SYN3: variants seen among roughly 807,000 people sequenced by gnomAD.
The protein encoded by SYN3 is synapsin-3.
Under a neutral mutation model 65.8 loss-of-function variants are expected in SYN3, and 35 were observed. The ratio of observed to expected loss-of-function variants is 0.53; its 90% CI spans 0.41 to 0.70. The LOEUF is 0.70. Among genes scored for constraint, SYN3 ranks in the 30% least tolerant of loss-of-function variants. The pLI is 0.00. For synonymous variants in SYN3, 270 were observed against 292.9 expected, an observed-to-expected ratio of 0.92 and a Z score of 0.80; for missense variants, 680 against 749.0, an observed-to-expected ratio of 0.91 and a Z score of 1.08.
At chr22:32,973,990 T>C (rs2052103482) in intron 3 of SYN3, among the ~76,000 whole-genome samples, 1 of 152,104 alleles carries the variant, frequency 6.6e-6, no homozygotes, top group South Asian at 2.1e-4. Flanking sequence ...GGTTTCGCCA[T>C]GTTGGCTAGG....
At chr22:32,632,854 G>A (rs2059764674) in intron 6 of SYN3, among the ~76,000 whole-genome samples, 1 of 152,218 alleles carries the variant, frequency 6.6e-6, no homozygotes, top group Admixed American at 6.5e-5. Context: ...GGGTTTGCAA[G>A]ACCCGGGGAC....
chr22:32,713,287 A>G (rs2060989600), intron 6 of SYN3, among the ~76,000 whole-genome samples: 1 of 152,244 alleles, frequency 6.6e-6, no homozygotes, highest in African/African-American at 2.4e-5. Flanking sequence ...TTATAGGCTT[A>G]AGAATAAACA....
chr22:32,628,489 G>A (rs937489441), intron 6 of SYN3, among the ~76,000 whole-genome samples: 1 of 152,152 alleles, frequency 6.6e-6, no homozygotes, highest in Non-Finnish European at 1.5e-5. Flanking sequence ...TGCTGACAAA[G>A]TGCAGCCCCA....
chr22:32,554,803 C>T (rs558896799), intron 7 of SYN3, among the ~76,000 whole-genome samples: 1 of 152,120 alleles, frequency 6.6e-6, no homozygotes, highest in Non-Finnish European at 1.5e-5. Context: ...AGTAAAATTG[C>T]CTTGCTGACA....
At chr22:32,889,319 C>T (rs2049376399) in intron 4 of SYN3, among the ~76,000 whole-genome samples, 1 of 150,390 alleles carries the variant, frequency 6.6e-6, no homozygotes, top group Admixed American at 6.6e-5. Flanking sequence ...TCTAAACACT[C>T]TTGCTTCAGG....
intron 6 of SYN3, among the ~76,000 whole-genome samples, chr22:32,670,760 T>C (rs2060349253): frequency 6.6e-6 from 1 of 152,270 alleles, no homozygotes; most frequent in East Asian, 1.9e-4. Context: ...AGAACTGTTC[T>C]TGCAGAATGT....
intron 1 of SYN3, among the ~76,000 whole-genome samples, chr22:33,051,747 A>G (rs1280880799): frequency 1.3e-5 from 2 of 152,196 alleles, no homozygotes; most frequent in Non-Finnish European, 2.9e-5. Flanking sequence ...AGACCATTCA[A>G]GAGTCTCTGG....
intron 3 of SYN3, among the ~76,000 whole-genome samples, chr22:32,962,308 G>A (rs1378307878): frequency 1.3e-5 from 2 of 151,756 alleles, no homozygotes; most frequent in Non-Finnish European, 2.9e-5. Context: ...GCTAATTTTT[G>A]TATTTTTAAT....
intron 6 of SYN3, among the ~76,000 whole-genome samples, chr22:32,697,050 G>T (rs1026753414): frequency 5.9e-5 from 9 of 152,192 alleles, no homozygotes; most frequent in Non-Finnish European, 1.0e-4. Flanking sequence ...GTAGCCAGCT[G>T]CCCTATCACT....
rs1569126139 is a variant in SYN3 at position 32,651,589 on chromosome 22, A to AATGAATGAAC, written c.712-54854_712-54853insGTTCATTCAT. 3.0e-3 allele frequency among the ~76,000 whole-genome samples: 340 copies of AATGAATGAAC among 115,212 alleles called. 2 individuals carry two copies. The highest frequency in any genetic ancestry group is 9.0e-3 in the African/African-American group (305 of 33,926). 75.6% of individuals were successfully genotyped at this position (115,212 alleles called of 152,430 possible). ...TTGAATGAATGAATGAATGAATGAA[A>AATGAATGAAC]AGGCTTTAAACTGAGGATGGCCCAT... On this transcript the variant is annotated intron_variant, in intron 6 of 13. Coordinates refer to ENST00000358763, the MANE Select transcript of SYN3 (RefSeq NM_003490.4).
chr22:32,802,187 A>G, intron 6 of SYN3: 1 of 1,527,056 alleles, frequency 6.5e-7, no homozygotes. Flanking sequence ...CTGCTTAGGG[A>G]GGCAGGGCGA....
chr22:32,806,309 T>G (rs2046734290), intron 6 of SYN3, among the ~76,000 whole-genome samples: 1 of 152,168 alleles, frequency 6.6e-6, no homozygotes, highest in African/African-American at 2.4e-5. Context: ...AGAAGTAGCT[T>G]GGGTGGAGGG....
chr22:32,805,359 C>G (rs1416595717), intron 6 of SYN3, among the ~76,000 whole-genome samples: 1 of 152,186 alleles, frequency 6.6e-6, no homozygotes, highest in Non-Finnish European at 1.5e-5. Flanking sequence ...AGCAAAGAAG[C>G]CATTTTCAAA....
intron 6 of SYN3, among the ~76,000 whole-genome samples, chr22:32,712,479 CTAAT>C (rs2060979031): frequency 6.6e-6 from 1 of 152,162 alleles, no homozygotes; most frequent in South Asian, 2.1e-4. Flanking sequence ...CTTGACTGAG[CTAAT>C]TAATTAATGA....
intron 1 of SYN3, among the ~76,000 whole-genome samples, chr22:33,051,974 T>G (rs1164863207): frequency 1.3e-5 from 2 of 152,092 alleles, no homozygotes. Context: ...TCCTTGTAGC[T>G]CCTGGTGAGC....
intron 1 of SYN3, among the ~76,000 whole-genome samples, chr22:33,030,189 G>A (rs1454331852): frequency 1.3e-5 from 2 of 152,198 alleles, no homozygotes; most frequent in Non-Finnish European, 2.9e-5. Context: ...AATGAGAGAT[G>A]CCTGCGCTGC....
chr22:32,710,987 G>C (rs1480497669), intron 6 of SYN3, among the ~76,000 whole-genome samples: 1 of 152,148 alleles, frequency 6.6e-6, no homozygotes, highest in African/African-American at 2.4e-5. Flanking sequence ...CTGCCTAACA[G>C]TGACATGCCG....
chr22:32,907,177 C>A (rs1327455086), intron 4 of SYN3, among the ~76,000 whole-genome samples: 1 of 152,136 alleles, frequency 6.6e-6, no homozygotes, highest in Non-Finnish European at 1.5e-5. Context: ...GTCCCAGATT[C>A]CTGTAAGCAT....
intron 6 of SYN3, among the ~76,000 whole-genome samples, chr22:32,644,818 G>C (rs1328465115): frequency 6.6e-6 from 1 of 152,132 alleles, no homozygotes; most frequent in Non-Finnish European, 1.5e-5. Flanking sequence ...CCAGTGCTGT[G>C]GCCTTGGTGG....
Sources: gnomAD v4.1 joint callset for allele counts (sites outside exome capture counted in the v4.1 genomes callset) on GRCh38, gnomAD v4.1.1 for gene constraint, MANE v1.5 for transcripts, NCBI Gene and HGNC (gene_info 2026-07-23, HGNC 2026-07-21) for gene names.